The following TLR6 variants were observed in gnomAD, a reference collection of about 807,000 sequenced individuals.
The protein encoded by TLR6 is toll-like receptor 6.
A neutral mutation model predicts 16.1 loss-of-function variants in TLR6; 9 were observed. The ratio of observed to expected loss-of-function variants is 0.56; its 90% CI spans 0.34 to 0.98. TLR6 has a LOEUF of 0.98. Ranked by LOEUF, TLR6 falls within the 50% of genes least tolerant of loss-of-function variation. The pLI is 0.02. For missense variants in TLR6, 786 were observed against 921.0 expected, an observed-to-expected ratio of 0.85 and a Z score of 1.90; for synonymous variants, 340 against 338.6, an observed-to-expected ratio of 1.00 and a Z score of -0.04.
At chr4:38,862,528 G>T in the TLR6 span, among the ~76,000 whole-genome samples, 1 of 149,918 alleles carries the variant, frequency 6.7e-6, no homozygotes, top group African/African-American at 2.5e-5. Context: ...TGATCTGCCC[G>T]CCTCAGCCTC....
chr4:38,823,418 A>C (rs1427622116), downstream of TLR6, among the ~76,000 whole-genome samples: 1 of 152,158 alleles, frequency 6.6e-6, no homozygotes, highest in Non-Finnish European at 1.5e-5. Context: ...TACCTAACAC[A>C]CATCTCAGAA....
exon 2 of TLR6, chr4:38,827,201 C>A: frequency 6.2e-7 from 1 of 1,614,122 alleles, no homozygotes; most frequent in Non-Finnish European, 8.5e-7. Context: ...CAAATAAGTC[C>A]GCTGCGTCAT....
intron 1 of TLR6, among the ~76,000 whole-genome samples, chr4:38,850,238 A>G (rs189925799): frequency 6.6e-6 from 1 of 152,368 alleles, no homozygotes; most frequent in Admixed American, 6.5e-5. Flanking sequence ...CAGTGTGTAG[A>G]GGGAAATTTA....
At chr4:38,839,393 C>G (rs540898187) in intron 1 of TLR6, among the ~76,000 whole-genome samples, 6 of 151,970 alleles carry the variant, frequency 3.9e-5, no homozygotes, top group African/African-American at 7.3e-5. Flanking sequence ...TGAAAGTTAA[C>G]TACGTGCTGT....
At chr4:38,850,328 G>A (rs577468634) in intron 1 of TLR6, among the ~76,000 whole-genome samples, 2 of 152,238 alleles carry the variant, frequency 1.3e-5, no homozygotes, top group Admixed American at 1.3e-4. Flanking sequence ...AACTAGAGAA[G>A]CAAGAGCAAA....
intron 1 of TLR6, among the ~76,000 whole-genome samples, chr4:38,846,041 G>A (rs1284087124): frequency 6.8e-6 from 1 of 147,944 alleles, no homozygotes; most frequent in Non-Finnish European, 1.5e-5. Flanking sequence ...GCAGTGAGCT[G>A]AGATTGTGCC....
rs57901685 is a variant in TLR6 at position 38,839,310 on chromosome 4, T to TAA, written c.-64-9775_-64-9774dup. The stretch of plus-strand genomic sequence containing the variant: ...AAAATAAAGTCTATTGATTTTTTTT[T>TAA]AAAAAAAATTAATAGAAATGGAAAA... On this transcript the variant is annotated intron_variant, in intron 1 of 1. Transcript: ENST00000436693. Among the ~76,000 whole-genome samples, 745 of 151,754 alleles carry TAA rather than the reference T, an allele frequency of 4.9e-3. 8 individuals carry two copies. The highest frequency in any genetic ancestry group is 0.017 in the African/African-American group (717 of 41,266).
intron 1 of TLR6, among the ~76,000 whole-genome samples, chr4:38,835,587 C>T (rs932684693): frequency 3.9e-5 from 6 of 152,134 alleles, no homozygotes; most frequent in Non-Finnish European, 8.8e-5. Flanking sequence ...AGCAAAGAAA[C>T]ATTGGATTTA....
chr4:38,828,500 T>C, exon 2 of TLR6: 1 of 1,614,172 alleles, frequency 6.2e-7, no homozygotes, highest in South Asian at 1.1e-5. Context: ...AAACACGGTG[T>C]ACAAAGCTGT....
At chr4:38,864,495 C>T in the TLR6 span, among the ~76,000 whole-genome samples, 1 of 152,148 alleles carries the variant, frequency 6.6e-6, no homozygotes, top group South Asian at 2.1e-4. Flanking sequence ...AAATATGAAG[C>T]ACAATAAAGT....
intron 1 of TLR6, among the ~76,000 whole-genome samples, chr4:38,830,648 G>A (rs903900384): frequency 2.0e-5 from 3 of 152,122 alleles, no homozygotes; most frequent in Non-Finnish European, 4.4e-5. Context: ...CGAGGAAGTC[G>A]AGGCTCCAAT....
intron 1 of TLR6, among the ~76,000 whole-genome samples, chr4:38,843,142 T>C (rs969286583): frequency 1.3e-5 from 2 of 152,166 alleles, no homozygotes; most frequent in African/African-American, 4.8e-5. Context: ...TTCATGACAA[T>C]GATGCTGAGC....
intron 1 of TLR6, among the ~76,000 whole-genome samples, chr4:38,843,954 G>A (rs1250062432): frequency 1.3e-5 from 2 of 152,346 alleles, no homozygotes; most frequent in African/African-American, 4.8e-5. Context: ...TCCTCTCTCT[G>A]TCTCTGATTC....
At chr4:38,838,508 T>C (rs1408647812) in intron 1 of TLR6, among the ~76,000 whole-genome samples, 1 of 152,092 alleles carries the variant, frequency 6.6e-6, no homozygotes, top group African/African-American at 2.4e-5. Context: ...AAGGCAAATA[T>C]TGTGTTCTCA....
At chr4:38,833,739 AAAT>A (rs1468913415) in intron 1 of TLR6, among the ~76,000 whole-genome samples, 3 of 152,226 alleles carry the variant, frequency 2.0e-5, no homozygotes, top group Admixed American at 6.5e-5. Context: ...AAGTAATTCA[AAAT>A]AATGATACTA....
chr4:38,844,081 C>T (rs1712407614), intron 1 of TLR6, among the ~76,000 whole-genome samples: 1 of 152,104 alleles, frequency 6.6e-6, no homozygotes, highest in African/African-American at 2.4e-5. Context: ...TACGGACTGC[C>T]ACACTCCATT....
chr4:38,851,272 G>C (rs371020343), intron 1 of TLR6, among the ~76,000 whole-genome samples: 1 of 152,236 alleles, frequency 6.6e-6, no homozygotes, highest in Non-Finnish European at 1.5e-5. Flanking sequence ...ACAGCCAATA[G>C]CATACTGAAT....
At chr4:38,832,211 C>T (rs1711638987) in intron 1 of TLR6, among the ~76,000 whole-genome samples, 1 of 152,256 alleles carries the variant, frequency 6.6e-6, no homozygotes, top group South Asian at 2.1e-4. Flanking sequence ...ATAGAGGCAC[C>T]TAGCCCTCAC....
upstream of TLR6, among the ~76,000 whole-genome samples, chr4:38,858,832 G>GAAGA (rs71190999): frequency 0.033 from 1,654 of 50,616 alleles, 54 homozygotes; most frequent in South Asian, 0.085. Context: ...AGAGAGAGAG[G>GAAGA]AAGAAAGAAA....
Sources: gnomAD v4.1 joint callset for allele counts (sites outside exome capture counted in the v4.1 genomes callset) on GRCh38, gnomAD v4.1.1 for gene constraint, MANE v1.5 for transcripts, NCBI Gene and HGNC (gene_info 2026-07-23, HGNC 2026-07-21) for gene names.